Variants in FBXW2 observed in about 807,000 individuals in gnomAD.
The protein encoded by FBXW2 is F-box/WD repeat-containing protein 2.
In FBXW2, 12 loss-of-function variants were observed where a neutral mutation model predicts 46.0. The ratio of observed to expected loss-of-function variants is 0.26; its 90% confidence interval spans 0.17 to 0.42. FBXW2 has a LOEUF of 0.42. FBXW2 is among the 10% of genes least tolerant of loss of function. The pLI is 1.00. For synonymous variants in FBXW2, 203 were observed against 209.6 expected (o/e 0.97, Z 0.27); for missense variants, 360 against 537.0 (o/e 0.67, Z 3.26).
chr9:120,770,739 T>G (rs2044360971), intron 7 of FBXW2, among the ~76,000 whole-genome samples: 1 of 152,244 alleles, frequency 6.6e-6, no homozygotes, highest in South Asian at 2.1e-4. Context: ...CAAAGTTCTC[T>G]TAATGACCAC....
chr9:120,785,182 A>AT (rs1207562667), intron 3 of FBXW2, among the ~76,000 whole-genome samples: 4 of 150,774 alleles, frequency 2.7e-5, no homozygotes, highest in South Asian at 2.1e-4. Context: ...CTGTTTTTTT[A>AT]TTTTTTTGTA....
intron 7 of FBXW2, among the ~76,000 whole-genome samples, chr9:120,765,837 G>C (rs570134224): frequency 6.6e-6 from 1 of 152,294 alleles, no homozygotes; most frequent in African/African-American, 2.4e-5. Flanking sequence ...GCAGAGAAAA[G>C]TAGGGAGTTG....
intron 2 of FBXW2, chr9:120,792,497 C>T (rs1264230806): frequency 6.4e-6 from 1 of 155,100 alleles, no homozygotes; most frequent in African/African-American, 2.4e-5. Flanking sequence ...ATGAGGGGTC[C>T]CTTTTTATTG....
At chr9:120,784,607 G>A (rs1255505825) in intron 3 of FBXW2, among the ~76,000 whole-genome samples, 2 of 150,538 alleles carry the variant, frequency 1.3e-5, no homozygotes, top group East Asian at 3.9e-4. Flanking sequence ...CCAGTGAGAG[G>A]TTGTCTCCAA....
At chr9:120,780,185 T>C (rs181910619) in intron 3 of FBXW2, among the ~76,000 whole-genome samples, 7 of 147,746 alleles carry the variant, frequency 4.7e-5, no homozygotes, top group Admixed American at 1.3e-4. Context: ...TGAAACCCTG[T>C]CTCCACTAAA....
chr9:120,792,807 A>G, intron 2 of FBXW2: 5 of 1,203,118 alleles, frequency 4.2e-6, no homozygotes, highest in Admixed American at 2.2e-5. Context: ...GTAAGCCTAC[A>G]GTAAATGTCA....
chr9:120,772,616 C>T lies in FBXW2; in HGVS notation c.906+138G>A, dbSNP rs1047988346. On this transcript the variant is annotated intron_variant, in intron 6 of 7. Coordinates refer to ENST00000608872, the MANE Select transcript of FBXW2 (RefSeq NM_012164.4). Reference sequence around the variant, plus strand: ...AGAGCTAGCAAATCATCTCTTCTTCCGGTGGGTTTAAAATGGCTTGGACTA... The same window carrying T: ...AGAGCTAGCAAATCATCTCTTCTTCTGGTGGGTTTAAAATGGCTTGGACTA... 8.8e-5 allele frequency: 47 copies of T among 537,078 alleles called. 1 individual carries two copies. Among genetic ancestry groups the T allele is most frequent in the Middle Eastern group, 2.7e-4 (1 of 3,666 alleles). The allele number at this position is 537,078 out of a possible 1,614,324, so 33.3% of individuals were successfully genotyped here. A position where few individuals can be genotyped will look rare whatever the true frequency, so the allele number is the denominator to read the frequency against.
intron 3 of FBXW2, among the ~76,000 whole-genome samples, chr9:120,779,473 T>C (rs1418419162): frequency 6.6e-6 from 1 of 152,150 alleles, no homozygotes; most frequent in Non-Finnish European, 1.5e-5. Flanking sequence ...TTTGAGACAA[T>C]GGAAAAATAG....
chr9:120,791,091 A>G (rs867051434), intron 2 of FBXW2, among the ~76,000 whole-genome samples: 1 of 152,216 alleles, frequency 6.6e-6, no homozygotes, highest in African/African-American at 2.4e-5. Context: ...GCACTATTTA[A>G]AAAACACCAA....
In FBXW2 at chr9:120,758,088, G is replaced by C. The variant is rs367906642; in HGVS notation, c.*6471C>G. ...ATTCACTTGTATTTTGGAAAAAACT[G>C]AGAATCAAGGATGAAAGTTAATAGT... On this transcript the variant is annotated 3_prime_UTR_variant, in exon 8 of 8. Transcript: ENST00000608872. The C allele has an allele frequency of 5.0e-4, 76 of 152,296 alleles. No individual in the cohort carries two copies. The highest frequency in any genetic ancestry group is 1.7e-3 in the African/African-American group (70 of 41,562). The allele number at this position is 152,296 out of a possible 1,614,324, so 9.4% of individuals were successfully genotyped here. A position where few individuals can be genotyped will look rare whatever the true frequency, so the allele number is the denominator to read the frequency against.
In FBXW2 at chr9:120,759,301, A is replaced by G. The variant is rs1256419990; in HGVS notation, c.*5258T>C. On this transcript the variant is annotated 3_prime_UTR_variant, in exon 8 of 8. Transcript: ENST00000608872. ...AGGGAATCTGCTTTAATGTACAGAT[A>G]TAAATGATTTATAGTTAACACAATC... 6.6e-6 allele frequency: 1 copy of G among 152,236 alleles called. No homozygotes were observed. Among genetic ancestry groups the G allele is most frequent in the Non-Finnish European group, 1.5e-5 (1 of 68,040 alleles). The allele number at this position is 152,236 out of a possible 1,614,324, so 9.4% of individuals were successfully genotyped here.
chr9:120,790,301 A>G (rs1318880770), intron 2 of FBXW2, among the ~76,000 whole-genome samples: 1 of 152,044 alleles, frequency 6.6e-6, no homozygotes, highest in Non-Finnish European at 1.5e-5. Flanking sequence ...TGGCTAACAC[A>G]GTGAAACCCC....
rs1184356692 is a variant in FBXW2, at chr9:120,762,373, C to A, written c.*2186G>T. ...AAAAAATAATAATAAAGTAAAAAGT[C>A]ATTTACCATCATCATTGCCCAAAGT... On this transcript the variant is annotated 3_prime_UTR_variant, in exon 8 of 8. Coordinates refer to ENST00000608872, the MANE Select transcript of FBXW2 (RefSeq NM_012164.4). 1 of 151,806 alleles carries A rather than the reference C, an allele frequency of 6.6e-6. No homozygotes were observed. Among genetic ancestry groups the A allele is most frequent in the Non-Finnish European group, 1.5e-5 (1 of 67,970 alleles). The allele number at this position is 151,806 out of a possible 1,614,324, so 9.4% of individuals were successfully genotyped here. A position where few individuals can be genotyped will look rare whatever the true frequency, so the allele number is the denominator to read the frequency against.
In FBXW2 at chr9:120,783,926, CA is replaced by C. The variant is rs1337696738; in HGVS notation, c.490+3842del. On this transcript the variant is annotated intron_variant, in intron 3 of 7. Transcript: ENST00000608872. ...ATGTGAGAGTCACTAAGTTTATTGC[CA>C]AATTCAGGGTTTCCCAATTCCACCA... Among the ~76,000 whole-genome samples, 6 of 152,110 alleles carry C rather than the reference CA, an allele frequency of 3.9e-5. No individual in the cohort carries two copies. In the East Asian group the frequency reaches 1.2e-3, roughly 29 times the overall value.
In FBXW2 at chr9:120,761,894, T is replaced by C. The variant is rs969970831; in HGVS notation, c.*2665A>G. 8 of 152,180 alleles carry C rather than the reference T, an allele frequency of 5.3e-5. No homozygotes were observed. The highest frequency in any genetic ancestry group is 1.0e-4 in the Non-Finnish European group (7 of 68,038). The allele number at this position is 152,180 out of a possible 1,614,324, so 9.4% of individuals were successfully genotyped here. ...CTAAAAACTGAAATAGAACATACTA[T>C]ATACAGCTTCAAGTTTGTCACTTTT... On this transcript the variant is annotated 3_prime_UTR_variant, in exon 8 of 8. Transcript: ENST00000608872.
At chr9:120,791,387 T>C (rs1489767353) in intron 2 of FBXW2, among the ~76,000 whole-genome samples, 1 of 152,230 alleles carries the variant, frequency 6.6e-6, no homozygotes, top group African/African-American at 2.4e-5. Flanking sequence ...GTTGGCCAGA[T>C]GTTTTACTGA....
intron 3 of FBXW2, among the ~76,000 whole-genome samples, chr9:120,782,220 G>C (rs1259834879): frequency 6.8e-6 from 1 of 146,590 alleles, no homozygotes; most frequent in Admixed American, 6.8e-5. Context: ...TGTAATCCCA[G>C]AACTTTGGGA....
At chr9:120,784,026 C>T (rs2044668992) in intron 3 of FBXW2, among the ~76,000 whole-genome samples, 1 of 152,176 alleles carries the variant, frequency 6.6e-6, no homozygotes, top group Admixed American at 6.5e-5. Flanking sequence ...TACCTCTCTT[C>T]ACAGTTCCAG....
intron 2 of FBXW2, among the ~76,000 whole-genome samples, chr9:120,791,166 TG>T (rs1283754994): frequency 6.6e-6 from 1 of 152,214 alleles, no homozygotes; most frequent in African/African-American, 2.4e-5. Context: ...AGGTCTAAAC[TG>T]GACTCTTTTA....
Sources: gnomAD v4.1 joint callset for allele counts (sites outside exome capture counted in the v4.1 genomes callset) on GRCh38, gnomAD v4.1.1 for gene constraint, MANE v1.5 for transcripts, NCBI Gene and HGNC (gene_info 2026-07-23, HGNC 2026-07-21) for gene names.